Variants in DZIP3 observed in about 807,000 individuals in gnomAD.
DZIP3 encodes DAZ interacting zinc finger protein 3, also known as E3 ubiquitin-protein ligase DZIP3.
Under a neutral mutation model 162.0 loss-of-function variants are expected in DZIP3, and 118 were observed. The ratio of observed to expected loss-of-function variants is 0.73; its 90% CI spans 0.63 to 0.85. DZIP3 has a LOEUF of 0.85. Ranked by LOEUF, DZIP3 falls within the 40% of genes least tolerant of loss-of-function variation. The pLI is 0.00. For synonymous variants in DZIP3, 438 were observed against 458.6 expected (o/e 0.96, Z 0.57); for missense variants, 1,331 against 1,407.0 (o/e 0.95, Z 0.86).
chr3:108,690,028 AT>A (rs1944633671), intron 31 of DZIP3, among the ~76,000 whole-genome samples: 1 of 152,198 alleles, frequency 6.6e-6, no homozygotes, highest in Non-Finnish European at 1.5e-5. Flanking sequence ...TCTAGGAAAG[AT>A]CCTTAGCCAT....
intron 25 of DZIP3, among the ~76,000 whole-genome samples, chr3:108,676,616 A>T (rs1944120375): frequency 6.6e-6 from 1 of 152,144 alleles, no homozygotes; most frequent in South Asian, 2.1e-4. Context: ...ATCAGCAAAA[A>T]AAAAAGCATT....
chr3:108,605,303 C>T (rs1940277426), intron 1 of DZIP3, 32 bp from the exon 2 acceptor site: 2 of 1,465,342 alleles, frequency 1.4e-6, no homozygotes, highest in Non-Finnish European at 1.9e-6. Context: ...TGTAACTTTC[C>T]TATCTTCATA....
chr3:108,616,334 A>G (rs991982499), intron 4 of DZIP3, among the ~76,000 whole-genome samples: 1 of 151,762 alleles, frequency 6.6e-6, no homozygotes, highest in Non-Finnish European at 1.5e-5. Flanking sequence ...GTTTTAAGGA[A>G]ATAGTTACAA....
chr3:108,661,243 C>G (rs1174531710), intron 19 of DZIP3, among the ~76,000 whole-genome samples: 4 of 152,090 alleles, frequency 2.6e-5, no homozygotes, highest in Admixed American at 2.6e-4. Flanking sequence ...CCCAAATGTC[C>G]AACAATGATA....
At chr3:108,606,445 G>A (rs747465352) in intron 2 of DZIP3, among the ~76,000 whole-genome samples, 5 of 152,190 alleles carry the variant, frequency 3.3e-5, no homozygotes, top group Non-Finnish European at 5.9e-5. Context: ...TGTGTACCTA[G>A]AGATAGCTTA....
rs773825432 is a variant in DZIP3, at chr3:108,688,672, C to CA, written c.3354dup (p.Pro1119ThrfsTer19). The CA allele has an allele frequency of 1.2e-6, 2 of 1,614,146 alleles. No homozygotes were observed. Among genetic ancestry groups the CA allele is most frequent in the East Asian group, 4.5e-5 (2 of 44,872 alleles). On this transcript the variant is annotated frameshift_variant, in exon 30 of 33. Transcript: ENST00000361582. LOFTEE classifies it high-confidence loss of function. ...TCACAGCCTGATGCTGCCCAGCCCC[C>CA]AAAACCAGCCTGGAGGCCACTCACT...
At chr3:108,676,534 T>C (rs1944116118) in intron 25 of DZIP3, among the ~76,000 whole-genome samples, 1 of 152,078 alleles carries the variant, frequency 6.6e-6, no homozygotes, top group Admixed American at 6.6e-5. Context: ...ATTGATTTTG[T>C]TTTAGAATCT....
chr3:108,648,127 T>C lies in DZIP3; in HGVS notation c.1962+15T>C. ...ATCTCCAGGAAGTATAAGCTCTCAT[T>C]AATATTTGAGTTAGAAGAACTTATT... On this transcript the variant is annotated intron_variant, in intron 16 of 32. Coordinates refer to ENST00000361582, the MANE Select transcript of DZIP3 (RefSeq NM_014648.4). 1 of 1,582,266 alleles carries C rather than the reference T, an allele frequency of 6.3e-7. No individual in the cohort carries two copies. Among genetic ancestry groups the C allele is most frequent in the Admixed American group, 1.9e-5 (1 of 52,666 alleles).
rs1355412975 is a variant in DZIP3 at position 108,684,245 on chromosome 3, G to A, written c.2913G>A (p.Val971=). 5 of 1,611,446 alleles carry A rather than the reference G, an allele frequency of 3.1e-6. No homozygotes were observed. Among genetic ancestry groups the A allele is most frequent in the Non-Finnish European group, 4.2e-6 (5 of 1,178,552 alleles). The change falls in exon 27 of 33, where the codon GTG becomes GTA. Residue 971 remains valine (V), a synonymous_variant. Transcript: ENST00000361582. ...AGCAGTTCTTAGGAAGACCTCTTGT[G>A]AAAGAATCTTTCTTTAGACCCATAC... The part of the protein sequence containing the change: ...LMQQFLGRPL[V]KESFFRPILT...
At chr3:108,673,529 T>C (rs931132896) in intron 23 of DZIP3, among the ~76,000 whole-genome samples, 2 of 151,950 alleles carry the variant, frequency 1.3e-5, no homozygotes, top group African/African-American at 4.8e-5. Context: ...GAGTGTTTAG[T>C]AGTAAAAAAC....
intron 1 of DZIP3, among the ~76,000 whole-genome samples, chr3:108,597,289 G>A (rs903399376): frequency 5.3e-5 from 8 of 151,768 alleles, no homozygotes; most frequent in African/African-American, 1.7e-4. Context: ...TTCAACTTTA[G>A]GTTAAGAGTA....
At chr3:108,675,765 G>A (rs1265294550) in intron 24 of DZIP3, 21 bp from the exon 25 acceptor site, 1 of 1,582,320 alleles carries the variant, frequency 6.3e-7, no homozygotes, top group South Asian at 1.2e-5. Context: ...GTTTTCTTTT[G>A]TGTCTCCTTT....
At chr3:108,618,861 G>C (rs1020931397) in intron 5 of DZIP3, among the ~76,000 whole-genome samples, 1 of 151,810 alleles carries the variant, frequency 6.6e-6, no homozygotes, top group African/African-American at 2.4e-5. Context: ...AGGAGTTCGA[G>C]ACCAGCCTGA....
Position 108,686,604 on chromosome 3 carries a change from T to C in DZIP3, c.3149+20T>C. The C allele has an allele frequency of 1.3e-6, 2 of 1,587,456 alleles. No individual in the cohort carries two copies. The highest frequency in any genetic ancestry group is 1.4e-5 in the African/African-American group (1 of 73,992). On this transcript the variant is annotated intron_variant, in intron 28 of 32. Transcript: ENST00000361582. ...AACCAGGTACCTTAGTTTTTATTTATTGGTGGGTACAGATCATATTCTCCA... is the reference window on the plus strand; with the variant it reads ...AACCAGGTACCTTAGTTTTTATTTACTGGTGGGTACAGATCATATTCTCCA...
chr3:108,669,449 T>C (rs1390536876), intron 21 of DZIP3, among the ~76,000 whole-genome samples: 2 of 151,918 alleles, frequency 1.3e-5, no homozygotes, highest in Non-Finnish European at 2.9e-5. Flanking sequence ...CTTTCTAATT[T>C]ACTGAATTAG....
intron 22 of DZIP3, among the ~76,000 whole-genome samples, chr3:108,670,040 T>TA (rs909883062): frequency 6.6e-6 from 1 of 151,926 alleles, no homozygotes; most frequent in African/African-American, 2.4e-5. Context: ...CCTTAAGAGT[T>TA]ACCCCAGTCA....
At chr3:108,619,477 G>A (rs1244193588) in intron 5 of DZIP3, among the ~76,000 whole-genome samples, 4 of 152,068 alleles carry the variant, frequency 2.6e-5, no homozygotes, top group Non-Finnish European at 5.9e-5. Context: ...GTAATCTGGA[G>A]ACCCAGGAAC....
At chr3:108,654,116 A>C (rs201717064) in intron 18 of DZIP3, 29 bp from the exon 19 acceptor site, 1 of 1,606,102 alleles carries the variant, frequency 6.2e-7, no homozygotes, top group Middle Eastern at 1.7e-4. Context: ...CAATTGTAAA[A>C]GCTCACATTG....
chr3:108,631,580 T>TC (rs1559741765), intron 8 of DZIP3, among the ~76,000 whole-genome samples: 1 of 132,440 alleles, frequency 7.6e-6, no homozygotes, highest in African/African-American at 2.9e-5. Flanking sequence ...TTATTATTAT[T>TC]CCCTTTTTTT....
Sources: allele counts gnomAD v4.1 joint callset (sites outside exome capture counted in the v4.1 genomes callset), GRCh38; gene constraint gnomAD v4.1.1; transcripts MANE v1.5; gene names NCBI Gene and HGNC (gene_info 2026-07-23, HGNC 2026-07-21).